MUSK: variants seen among roughly 807,000 people sequenced by gnomAD.
MUSK encodes muscle associated receptor tyrosine kinase.
A neutral mutation model predicts 88.7 loss-of-function variants in MUSK; 55 were observed. That is an observed-to-expected ratio of 0.62 (90% CI 0.50 to 0.78). The LOEUF (loss-of-function observed/expected upper bound fraction) is 0.78. MUSK is among the 30% of genes least tolerant of loss of function. The probability of loss-of-function intolerance (pLI) is 0.00; values close to 1 mark genes in which losing one functional copy is unlikely to be tolerated. For missense variants in MUSK, 1,015 were observed against 1,074.3 expected (o/e 0.94, Z 0.77); for synonymous variants, 387 against 391.9 (o/e 0.99, Z 0.15).
chr9:110,704,343 G>A (rs1019608717), intron 5 of MUSK, among the ~76,000 whole-genome samples: 3 of 152,076 alleles, frequency 2.0e-5, no homozygotes, highest in East Asian at 1.9e-4. Context: ...ATTATCTACC[G>A]TATATGTGAC....
intron 5 of MUSK, among the ~76,000 whole-genome samples, chr9:110,705,436 C>T (rs1198821192): frequency 1.3e-5 from 2 of 152,100 alleles, no homozygotes; most frequent in African/African-American, 2.4e-5. Context: ...GGCAGAGTCA[C>T]CTAGATGGAG....
At chr9:110,746,273 T>C (rs952138933) in intron 6 of MUSK, among the ~76,000 whole-genome samples, 3 of 152,202 alleles carry the variant, frequency 2.0e-5, no homozygotes, top group Non-Finnish European at 2.9e-5. Context: ...AAAGGTGGTA[T>C]TGTGCTCAAG....
At chr9:110,780,469 G>A (rs896332893) in intron 11 of MUSK, among the ~76,000 whole-genome samples, 8 of 152,302 alleles carry the variant, frequency 5.3e-5, no homozygotes, top group Non-Finnish European at 1.0e-4. Flanking sequence ...CCCTTCACAT[G>A]TATCCTGAAG....
intron 14 of MUSK, among the ~76,000 whole-genome samples, chr9:110,799,634 T>C (rs561615704): frequency 6.6e-6 from 1 of 152,350 alleles, no homozygotes; most frequent in South Asian, 2.1e-4. Context: ...CCAAACATTA[T>C]GAGGCATCTG....
intron 5 of MUSK, among the ~76,000 whole-genome samples, chr9:110,728,979 C>T (rs888892407): frequency 6.6e-6 from 1 of 151,486 alleles, no homozygotes; most frequent in Admixed American, 6.6e-5. Flanking sequence ...GAAATACAAA[C>T]AAAATGAAAT....
intron 5 of MUSK, among the ~76,000 whole-genome samples, chr9:110,709,234 CA>C (rs2076637682): frequency 6.6e-6 from 1 of 152,196 alleles, no homozygotes; most frequent in South Asian, 2.1e-4. Context: ...ATATCAAATA[CA>C]TGACTCTGAG....
chr9:110,722,150 C>T (rs1312213428), intron 5 of MUSK, among the ~76,000 whole-genome samples: 1 of 152,120 alleles, frequency 6.6e-6, no homozygotes, highest in Non-Finnish European at 1.5e-5. Context: ...TAGAAGATAA[C>T]ATCAGAAAAA....
rs1045114527 is a variant in MUSK at position 110,802,311 on chromosome 9, A to G, written c.*1323A>G. ...ATCCTCACACAATACATCTTTATCT[A>G]AGTCCATACATGATCTGAGTTTATT... is the stretch of plus-strand genomic sequence containing the variant. On this transcript the variant is annotated 3_prime_UTR_variant, in exon 15 of 15. Transcript: ENST00000374448. Among the ~76,000 whole-genome samples the G allele has an allele frequency of 2.6e-5, 4 of 152,160 alleles. No homozygotes were observed. Among genetic ancestry groups the G allele is most frequent in the African/African-American group, 9.7e-5 (4 of 41,430 alleles).
chr9:110,764,556 A>G (rs538299368), intron 8 of MUSK, among the ~76,000 whole-genome samples: 5 of 152,250 alleles, frequency 3.3e-5, no homozygotes, highest in African/African-American at 1.2e-4. Flanking sequence ...TAGTTGATAG[A>G]TAAACAAATT....
intron 11 of MUSK, among the ~76,000 whole-genome samples, chr9:110,781,379 C>G (rs1024880354): frequency 6.6e-6 from 1 of 152,168 alleles, no homozygotes; most frequent in Non-Finnish European, 1.5e-5. Flanking sequence ...CGGGTTCACG[C>G]CATCCTCTTG....
At chr9:110,672,838 C>G (rs1276957449) in intron 1 of MUSK, among the ~76,000 whole-genome samples, 5 of 152,056 alleles carry the variant, frequency 3.3e-5, no homozygotes, top group Admixed American at 1.3e-4. Flanking sequence ...TAGTCATATG[C>G]GAGAGCCCAT....
At chr9:110,764,810 G>A (rs2077454243) in intron 8 of MUSK, among the ~76,000 whole-genome samples, 1 of 152,090 alleles carries the variant, frequency 6.6e-6, no homozygotes, top group South Asian at 2.1e-4. Flanking sequence ...AGCACATAAA[G>A]GGTTTGTATA....
rs2078148542 is a variant in MUSK at position 110,805,385 on chromosome 9, A to G, written c.*4397A>G. ...AATCATTGCCAATATAATAGCTAAT[A>G]GCTTAAAGTTATTTCATAGCTTATA... is the stretch of plus-strand genomic sequence containing the variant. On this transcript the variant is annotated 3_prime_UTR_variant, in exon 15 of 15. Coordinates refer to ENST00000374448, the MANE Select transcript of MUSK (RefSeq NM_005592.4). 1.3e-5 allele frequency among the ~76,000 whole-genome samples: 2 copies of G among 151,988 alleles called. No individual in the cohort carries two copies. Among genetic ancestry groups the G allele is most frequent in the South Asian group, 4.1e-4 (2 of 4,838 alleles).
chr9:110,760,183 C>T (rs1413641952), intron 7 of MUSK, among the ~76,000 whole-genome samples: 1 of 152,100 alleles, frequency 6.6e-6, no homozygotes, highest in African/African-American at 2.4e-5. Context: ...ACAGAACTAC[C>T]ATTCGACCCA....
intron 2 of MUSK, 73 bp from the exon 3 acceptor site, chr9:110,687,044 G>C: frequency 1.3e-6 from 2 of 1,493,376 alleles, no homozygotes; most frequent in Non-Finnish European, 1.8e-6. Context: ...CAAGTCATCG[G>C]TTTGATACAT....
At chr9:110,764,631 ATAGATAGGTAGG>A (rs915466442) in intron 8 of MUSK, among the ~76,000 whole-genome samples, 4 of 138,962 alleles carry the variant, frequency 2.9e-5, no homozygotes, top group African/African-American at 7.8e-5. Flanking sequence ...AGATAGATAG[ATAGATAGGTAGG>A]TAGATCATCG....
chr9:110,777,614 T>C (rs1262033530), intron 11 of MUSK, among the ~76,000 whole-genome samples: 1 of 152,132 alleles, frequency 6.6e-6, no homozygotes, highest in Non-Finnish European at 1.5e-5. Flanking sequence ...AAAGTTTACT[T>C]TGATTGGACT....
At chr9:110,736,183 T>C (rs1470535732) in intron 6 of MUSK, among the ~76,000 whole-genome samples, 1 of 152,150 alleles carries the variant, frequency 6.6e-6, no homozygotes, top group Admixed American at 6.6e-5. Context: ...ACTTAGGTGA[T>C]GGATATCCCA....
rs572223 is a variant in MUSK, at chr9:110,784,731, A to C, written c.1385-84A>C. On this transcript the variant is annotated intron_variant, in intron 11 of 14. Coordinates refer to ENST00000374448, the MANE Select transcript of MUSK (RefSeq NM_005592.4). ...ATACATAAATATATTATTATCATGA[A>C]ATTTATTTTACTGATTGCTTAAATA... 0.034 allele frequency: 36,510 copies of C among 1,065,782 alleles called. 1,141 individuals are homozygous for C. Among genetic ancestry groups the C allele is most frequent in the South Asian group, 0.12 (7,158 of 57,756 alleles). The allele number at this position is 1,065,782 out of a possible 1,614,324, so 66.0% of individuals were successfully genotyped here.
Sources: allele counts gnomAD v4.1 joint callset (sites outside exome capture counted in the v4.1 genomes callset), GRCh38; gene constraint gnomAD v4.1.1; transcripts MANE v1.5; gene names NCBI Gene and HGNC (gene_info 2026-07-23, HGNC 2026-07-21).